ADCY1: variants seen among roughly 807,000 people sequenced by gnomAD.
ADCY1 encodes the protein adenylate cyclase 1, also known as adenylate cyclase type 1.
A neutral mutation model predicts 105.4 loss-of-function variants in ADCY1; 28 were observed. That is an observed-to-expected ratio of 0.27 (90% confidence interval 0.20 to 0.36). The LOEUF is 0.36. Ranked by LOEUF, ADCY1 falls within the 10% of genes least tolerant of loss-of-function variation. The pLI is 1.00. For synonymous variants in ADCY1, 655 were observed against 623.8 expected (o/e 1.05, Z -0.75); for missense variants, 977 against 1,434.2 (o/e 0.68, Z 5.15).
At chr7:45,593,226 C>A (rs993302186) in intron 2 of ADCY1, among the ~76,000 whole-genome samples, 3 of 152,172 alleles carry the variant, frequency 2.0e-5, no homozygotes, top group Admixed American at 2.0e-4. Context: ...CTGGCTGGGC[C>A]TCGGATGAAT....
At chr7:45,617,688 G>T (rs1047358655) in intron 3 of ADCY1, among the ~76,000 whole-genome samples, 1 of 152,148 alleles carries the variant, frequency 6.6e-6, no homozygotes, top group Non-Finnish European at 1.5e-5. Context: ...GGATGTAAAA[G>T]ATTTCTACAA....
rs757925835 is a variant in ADCY1 at position 45,686,240 on chromosome 7, A to T, written c.2327+25A>T. On this transcript the variant is annotated intron_variant, in intron 13 of 19. Coordinates refer to ENST00000297323, the MANE Select transcript of ADCY1 (RefSeq NM_021116.4). The surrounding 1 kb of genome is among the most constrained non-coding windows in gnomAD (Gnocchi z 4.3). ...GGTAAGTGTGTGGCTCCTCAAGAAAAAGGCCTAAGCAGCGGTGCTACTGAA... is the reference window on the plus strand; with the variant it reads ...GGTAAGTGTGTGGCTCCTCAAGAAATAGGCCTAAGCAGCGGTGCTACTGAA... 6.2e-7 allele frequency: 1 copy of T among 1,607,150 alleles called. No individual in the cohort carries two copies. Among genetic ancestry groups the T allele is most frequent in the Non-Finnish European group, 8.5e-7 (1 of 1,176,106 alleles).
chr7:45,602,770 CT>C (rs1221361311), intron 2 of ADCY1, among the ~76,000 whole-genome samples: 35 of 152,264 alleles, frequency 2.3e-4, no homozygotes, highest in African/African-American at 8.4e-4. Context: ...CACTCAAATG[CT>C]TTTTCCTATA....
chr7:45,636,317 T>A (rs1034334993), intron 4 of ADCY1, among the ~76,000 whole-genome samples: 4 of 152,234 alleles, frequency 2.6e-5, no homozygotes, highest in African/African-American at 7.2e-5. Flanking sequence ...TTCTCTGGAT[T>A]ACTTATAATA....
rs1267386766 is a variant in ADCY1 at position 45,717,992 on chromosome 7, G to A, written c.*3997G>A. The A allele has an allele frequency of 6.6e-6, 1 of 152,366 alleles. No individual in the cohort carries two copies. The highest frequency in any genetic ancestry group is 1.5e-5 in the Non-Finnish European group (1 of 68,044). 9.4% of individuals were successfully genotyped at this position (152,366 alleles called of 1,614,324 possible). A position where few individuals can be genotyped will look rare whatever the true frequency, so the allele number is the denominator to read the frequency against. The stretch of plus-strand genomic sequence containing the variant: ...TCTGGCTTGGGGTGGTGGGAGGCGG[G>A]GAGCTGCCACTCCCAAAGCCTCCAC... On this transcript the variant is annotated 3_prime_UTR_variant, in exon 20 of 20. Coordinates refer to ENST00000297323, the MANE Select transcript of ADCY1 (RefSeq NM_021116.4).
intron 14 of ADCY1, among the ~76,000 whole-genome samples, chr7:45,698,110 T>C (rs1784921380): frequency 6.6e-6 from 1 of 152,082 alleles, no homozygotes; most frequent in African/African-American, 2.4e-5. Flanking sequence ...CTAAGTATTT[T>C]ATAGAAAACC....
chr7:45,609,645 G>A (rs1793476482), intron 2 of ADCY1, among the ~76,000 whole-genome samples: 1 of 152,160 alleles, frequency 6.6e-6, no homozygotes, highest in South Asian at 2.1e-4. Context: ...CACATTTCTG[G>A]AACATGGTCT....
intron 4 of ADCY1, among the ~76,000 whole-genome samples, chr7:45,624,342 A>T (rs1244049740): frequency 8.1e-6 from 1 of 123,622 alleles, no homozygotes; most frequent in East Asian, 2.5e-4. Flanking sequence ...TTAAGGTAGG[A>T]GGGGCAGGGG....
chr7:45,641,742 A>T (rs1794529333), intron 4 of ADCY1, among the ~76,000 whole-genome samples: 1 of 146,374 alleles, frequency 6.8e-6, no homozygotes, highest in African/African-American at 2.5e-5. Context: ...CTGGCCAACA[A>T]GGTGAAACCC....
At chr7:45,635,600 T>C (rs1794379810) in intron 4 of ADCY1, among the ~76,000 whole-genome samples, 1 of 144,690 alleles carries the variant, frequency 6.9e-6, no homozygotes, top group Non-Finnish European at 1.5e-5. Flanking sequence ...TAATTTCTCT[T>C]GTTTTTTTTT....
At chr7:45,676,989 C>G (rs1784468183) in intron 8 of ADCY1, among the ~76,000 whole-genome samples, 1 of 145,824 alleles carries the variant, frequency 6.9e-6, no homozygotes, top group Admixed American at 6.9e-5. Flanking sequence ...TATCCAGTGG[C>G]ATTTTTTGGC....
chr7:45,636,838 GCCT>G (rs1197671875), intron 4 of ADCY1, among the ~76,000 whole-genome samples: 1 of 152,220 alleles, frequency 6.6e-6, no homozygotes, highest in Non-Finnish European at 1.5e-5. Flanking sequence ...TCCATACCCA[GCCT>G]GTTTGTGTCT....
Position 45,721,758 on chromosome 7 carries a change from G to A in ADCY1, c.*7763G>A. On this transcript the variant is annotated 3_prime_UTR_variant, in exon 20 of 20. Transcript: ENST00000297323. The stretch of plus-strand genomic sequence containing the variant: ...GTTCAGAGGGCTTATGATGGATGGT[G>A]AGAGATTTGACAACCACCAGAGCAC... 2.5e-6 allele frequency: 1 copy of A among 398,622 alleles called. No homozygotes were observed. The allele number at this position is 398,622 out of a possible 1,614,324, so 24.7% of individuals were successfully genotyped here. A position where few individuals can be genotyped will look rare whatever the true frequency, so the allele number is the denominator to read the frequency against.
chr7:45,684,817 AC>A, intron 11 of ADCY1, 161 bp from the exon 12 acceptor site: 1 of 561,254 alleles, frequency 1.8e-6, no homozygotes, highest in Non-Finnish European at 3.1e-6. Context: ...GGGAGAATAA[AC>A]AAATGAAAAA....
rs760606743 is a variant in ADCY1, at chr7:45,574,643, C to A, written c.100C>A (p.Arg34=). The A allele has an allele frequency of 7.9e-6, 10 of 1,260,224 alleles. No individual in the cohort carries two copies. The highest frequency in any genetic ancestry group is 1.6e-5 in the African/African-American group (1 of 63,324). 78.1% of individuals were successfully genotyped at this position (1,260,224 alleles called of 1,614,324 possible). The part of the protein sequence containing the change: ...AAGTSRRRGL[R]ACDEEFACPE... ...CGGGACAAGCCGCCGGCGCGGGCTC[C>A]GGGCGTGCGACGAGGAGTTCGCTTG... Residue 34 remains arginine (R), a synonymous_variant, in exon 1 of 20, where the codon CGG becomes AGG. Coordinates refer to ENST00000297323, the MANE Select transcript of ADCY1 (RefSeq NM_021116.4). This position sits in a 1 kb window ranked among gnomAD's most constrained non-coding sequence, Gnocchi z 7.0.
At chr7:45,711,028 T>C (rs1222924179) in intron 19 of ADCY1, among the ~76,000 whole-genome samples, 1 of 152,184 alleles carries the variant, frequency 6.6e-6, no homozygotes, top group Non-Finnish European at 1.5e-5. Context: ...GGGAGGGTGC[T>C]GTGCATGTCC....
chr7:45,574,790 G>T lies in ADCY1; in HGVS notation c.247G>T (p.Ala83Ser). 2 of 1,539,856 alleles carry T rather than the reference G, an allele frequency of 1.3e-6. No individual in the cohort carries two copies. The highest frequency in any genetic ancestry group is 1.7e-6 in the Non-Finnish European group (2 of 1,150,172). ...GCTGGCGCTGGCCGAGCTGCTGGGC[G>T]CGCCGGGGCCCGCGCCCGGCCTGGC... ...GALALAELLG[A>S]PGPAPGLAKG... is the part of the protein sequence containing the mutation. Residue 83 changes from alanine (A) to serine (S), a missense_variant, in exon 1 of 20, where the codon GCG becomes TCG. This residue lies in a region of ADCY1 where 209 missense variants were observed against 222.5 expected (regional missense o/e 0.94). Coordinates refer to ENST00000297323, the MANE Select transcript of ADCY1 (RefSeq NM_021116.4). The surrounding 1 kb of genome is among the most constrained non-coding windows in gnomAD (Gnocchi z 7.0).
intron 19 of ADCY1, among the ~76,000 whole-genome samples, chr7:45,712,136 TTTTA>T (rs1785270421): frequency 1.4e-5 from 2 of 139,436 alleles, no homozygotes; most frequent in African/African-American, 2.6e-5. Flanking sequence ...TATTTAAAAT[TTTTA>T]TTTTAAATTA....
At chr7:45,601,846 A>AG (rs1158933567) in intron 2 of ADCY1, among the ~76,000 whole-genome samples, 1 of 152,094 alleles carries the variant, frequency 6.6e-6, no homozygotes, top group East Asian at 1.9e-4. Context: ...TGCCAGGAGA[A>AG]GGGAAGGGGC....
Sources: gnomAD v4.1 joint callset for allele counts (sites outside exome capture counted in the v4.1 genomes callset) on GRCh38, gnomAD v4.1.1 for gene constraint, gnomAD v4.1.1 regional missense constraint, Gnocchi (gnomAD v3.1) non-coding constraint, MANE v1.5 for transcripts, NCBI Gene and HGNC (gene_info 2026-07-23, HGNC 2026-07-21) for gene names.